Variants in PDE4D observed in about 807,000 individuals in gnomAD.
PDE4D encodes 3',5'-cyclic-AMP phosphodiesterase 4D.
PDE4D carries 24 observed loss-of-function variants against 87.4 expected under a neutral mutation model. The observed-to-expected ratio is 0.27, with a 90% CI of 0.20 to 0.39. The LOEUF (loss-of-function observed/expected upper bound fraction) is 0.39, where lower values mean the gene tolerates loss of function less well. PDE4D is among the 10% of genes least tolerant of loss of function. The pLI is 1.00. For synonymous variants in PDE4D, 384 were observed against 383.2 expected, an observed-to-expected ratio of 1.00 and a Z score of -0.02; for missense variants, 714 against 1,041.0, an observed-to-expected ratio of 0.69 and a Z score of 4.32.
At chr5:60,335,551 C>G (rs2149880528) in intron 1 of PDE4D, among the ~76,000 whole-genome samples, 1 of 152,202 alleles carries the variant, frequency 6.6e-6, no homozygotes, top group Admixed American at 6.5e-5. Flanking sequence ...ATTGTAAGCC[C>G]TTTTTAGTAA....
At chr5:59,160,697 T>A (rs966884783) in intron 5 of PDE4D, among the ~76,000 whole-genome samples, 4 of 152,154 alleles carry the variant, frequency 2.6e-5, no homozygotes, top group Admixed American at 6.5e-5. Context: ...CCCTAAGTGC[T>A]TAGCACACCA....
At chr5:59,882,331 A>G (rs1430454058) in intron 1 of PDE4D, among the ~76,000 whole-genome samples, 1 of 152,128 alleles carries the variant, frequency 6.6e-6, no homozygotes, top group Non-Finnish European at 1.5e-5. Flanking sequence ...AAAACTGAAA[A>G]CCCAGGTGGT....
intron 1 of PDE4D, among the ~76,000 whole-genome samples, chr5:60,471,999 G>A (rs527857252): frequency 2.0e-5 from 3 of 152,130 alleles, no homozygotes; most frequent in Admixed American, 6.5e-5. Context: ...CATTTTTACC[G>A]ATAGTTATAT....
rs142056542 is a variant in PDE4D at position 59,297,517 on chromosome 5, AACC to A, written c.456-81552_456-81550del. Among the ~76,000 whole-genome samples, 715 of 152,246 alleles carry A rather than the reference AACC, an allele frequency of 4.7e-3. 6 individuals carry two copies. Among genetic ancestry groups the A allele is most frequent in the African/African-American group, 0.016 (674 of 41,542 alleles). On this transcript the variant is annotated intron_variant, in intron 1 of 14. Transcript: ENST00000340635. ...TAGTGAAAGACATAATGTCCATGAA[AACC>A]ACCACATTATTGCTTTATTTGCTTC...
At chr5:59,492,781 C>A (rs185007805) in intron 1 of PDE4D, among the ~76,000 whole-genome samples, 19 of 152,196 alleles carry the variant, frequency 1.2e-4, no homozygotes, top group Admixed American at 7.2e-4. Context: ...GGGAGGCAAT[C>A]GAATTATGGG....
At chr5:60,421,352 G>A (rs566872126) in intron 1 of PDE4D, among the ~76,000 whole-genome samples, 16 of 152,302 alleles carry the variant, frequency 1.1e-4, no homozygotes, top group Admixed American at 1.0e-3. Flanking sequence ...GGATCAGGCA[G>A]CAATATTTGC....
chr5:59,625,197 T>C (rs944280314), intron 1 of PDE4D, among the ~76,000 whole-genome samples: 2 of 152,000 alleles, frequency 1.3e-5, no homozygotes, highest in African/African-American at 2.4e-5. Context: ...GTCAGAGAGA[T>C]GAAGTGTGAG....
In PDE4D at chr5:59,712,940, A is replaced by G. The variant is rs369273635; in HGVS notation, c.455+180228T>C. Reference sequence around the variant, plus strand: ...GTGAATAGTCCAGTATAAATGTTTTACTATAACACTGGAATATTTAAAGTT... The same window carrying G: ...GTGAATAGTCCAGTATAAATGTTTTGCTATAACACTGGAATATTTAAAGTT... On this transcript the variant is annotated intron_variant, in intron 1 of 14. Coordinates refer to ENST00000340635, the MANE Select transcript of PDE4D (RefSeq NM_001104631.2). Among the ~76,000 whole-genome samples the G allele has an allele frequency of 8.5e-5, 13 of 152,326 alleles. No individual in the cohort carries two copies. The East Asian group carries it at 1.9e-3, about 23-fold the overall frequency.
intron 2 of PDE4D, among the ~76,000 whole-genome samples, chr5:60,033,449 G>A (rs1767459665): frequency 1.3e-5 from 2 of 151,968 alleles, no homozygotes; most frequent in Non-Finnish European, 2.9e-5. Context: ...TTACACTCCA[G>A]GAATTCAAAA....
chr5:59,750,945 CAAA>C (rs34787047), intron 1 of PDE4D, among the ~76,000 whole-genome samples: 2 of 68,750 alleles, frequency 2.9e-5, no homozygotes, highest in Non-Finnish European at 5.7e-5. Flanking sequence ...GACCCTGTCT[CAAA>C]AAAAAAAAAA....
intron 2 of PDE4D, among the ~76,000 whole-genome samples, chr5:60,054,660 C>A (rs1245066025): frequency 2.7e-5 from 4 of 149,098 alleles, no homozygotes; most frequent in Non-Finnish European, 5.9e-5. Flanking sequence ...ACACATGTAT[C>A]CCAGAAATTA....
At chr5:60,338,217 G>C (rs555010397) in intron 1 of PDE4D, among the ~76,000 whole-genome samples, 5 of 152,284 alleles carry the variant, frequency 3.3e-5, no homozygotes, top group African/African-American at 1.2e-4. Context: ...ACCGGCCTTG[G>C]CTAGCTGGAG....
intron 6 of PDE4D, among the ~76,000 whole-genome samples, chr5:59,035,173 C>T (rs892672907): frequency 6.6e-6 from 1 of 152,208 alleles, no homozygotes; most frequent in Non-Finnish European, 1.5e-5. Flanking sequence ...ACTGAAAAGG[C>T]ACATTGACCA....
intron 1 of PDE4D, among the ~76,000 whole-genome samples, chr5:60,337,372 T>TACACACACACACAC (rs1295111958): frequency 2.6e-5 from 3 of 117,000 alleles, no homozygotes; most frequent in African/African-American, 1.0e-4. Flanking sequence ...TATATATATA[T>TACACACACACACAC]ATATATATAT....
At chr5:59,483,289 C>G (rs1456532263) in intron 1 of PDE4D, among the ~76,000 whole-genome samples, 1 of 152,082 alleles carries the variant, frequency 6.6e-6, no homozygotes, top group East Asian at 1.9e-4. Context: ...TCTATGTATG[C>G]ATATATCATA....
intron 1 of PDE4D, among the ~76,000 whole-genome samples, chr5:60,393,349 C>A (rs1352224077): frequency 6.6e-6 from 1 of 152,130 alleles, no homozygotes; most frequent in Non-Finnish European, 1.5e-5. Context: ...CTTTAAGCAT[C>A]GCACATTGTG....
intron 1 of PDE4D, among the ~76,000 whole-genome samples, chr5:59,528,156 A>T (rs902980468): frequency 2.0e-5 from 3 of 152,236 alleles, no homozygotes; most frequent in African/African-American, 7.2e-5. Context: ...GACATAGTGC[A>T]TACATGTGTG....
intron 1 of PDE4D, among the ~76,000 whole-genome samples, chr5:59,496,630 G>C (rs1807257967): frequency 6.6e-6 from 1 of 152,150 alleles, no homozygotes; most frequent in Non-Finnish European, 1.5e-5. Flanking sequence ...CTAAGGGAGG[G>C]GGATGTAGCC....
At chr5:59,506,457 G>C (rs561200768) in intron 1 of PDE4D, among the ~76,000 whole-genome samples, 1 of 152,060 alleles carries the variant, frequency 6.6e-6, no homozygotes, top group Non-Finnish European at 1.5e-5. Flanking sequence ...TAATCAACAG[G>C]TATATAGTTT....
Sources: allele counts gnomAD v4.1 joint callset (sites outside exome capture counted in the v4.1 genomes callset), GRCh38; gene constraint gnomAD v4.1.1; transcripts MANE v1.5; gene names NCBI Gene and HGNC (gene_info 2026-07-23, HGNC 2026-07-21).